Variants in EYS observed in about 807,000 individuals in gnomAD.
EYS encodes the protein EGF-like photoreceptor maintenance factor.
EYS carries 250 observed loss-of-function variants against 282.1 expected under a neutral mutation model. The observed-to-expected ratio is 0.89, with a 90% CI of 0.80 to 0.98. EYS has a LOEUF of 0.98. Among genes scored for constraint, EYS ranks in the 50% least tolerant of loss-of-function variants. The pLI is 0.00. For synonymous variants in EYS, 1,355 were observed against 1,282.9 expected, an observed-to-expected ratio of 1.06 and a Z score of -1.20; for missense variants, 4,016 against 3,709.0, an observed-to-expected ratio of 1.08 and a Z score of -2.15.
At chr6:65,489,034 A>T (rs187375876) in intron 5 of EYS, among the ~76,000 whole-genome samples, 3 of 152,312 alleles carry the variant, frequency 2.0e-5, no homozygotes, top group African/African-American at 7.2e-5. Flanking sequence ...CTAGAGGAAA[A>T]CCTGGGGAAT....
chr6:65,375,019 C>T (rs1035310571), intron 8 of EYS, among the ~76,000 whole-genome samples: 25 of 152,140 alleles, frequency 1.6e-4, no homozygotes, highest in South Asian at 2.1e-4. Context: ...CCCAGCACAG[C>T]GCTCCAGCTC....
intron 39 of EYS, 79 bp from the exon 40 acceptor site, chr6:63,778,259 T>C (rs1770117505): frequency 2.8e-6 from 4 of 1,404,284 alleles, no homozygotes; most frequent in Admixed American, 4.1e-5. Flanking sequence ...TTTTCATTTT[T>C]AAAGTAGAAG....
At chr6:64,649,747 C>G (rs1355090942) in intron 22 of EYS, among the ~76,000 whole-genome samples, 3 of 152,122 alleles carry the variant, frequency 2.0e-5, no homozygotes, top group Non-Finnish European at 4.4e-5. Context: ...CATGACAAAT[C>G]AATGTCCAAG....
chr6:64,582,647 A>G (rs1766111493), intron 26 of EYS, among the ~76,000 whole-genome samples: 1 of 150,734 alleles, frequency 6.6e-6, no homozygotes, highest in Admixed American at 6.6e-5. Context: ...GGTATTCAGC[A>G]ATGAAAATGA....
At chr6:64,253,755 G>GT (rs201367424) in intron 30 of EYS, among the ~76,000 whole-genome samples, 1 of 151,848 alleles carries the variant, frequency 6.6e-6, no homozygotes, top group Admixed American at 6.6e-5. Context: ...AGTGCAGGGG[G>GT]GTTTATTCTC....
intron 5 of EYS, among the ~76,000 whole-genome samples, chr6:65,442,780 T>A (rs1168369640): frequency 9.9e-6 from 1 of 101,318 alleles, no homozygotes; most frequent in Non-Finnish European, 2.5e-5. Context: ...AAATAAAAAA[T>A]TAAAAAAAAA....
intron 7 of EYS, among the ~76,000 whole-genome samples, chr6:65,397,369 T>TC (rs2150360614): frequency 6.6e-6 from 1 of 152,068 alleles, no homozygotes; most frequent in Non-Finnish European, 1.5e-5. Context: ...TTACACCCTC[T>TC]CCCACCATCC....
At chr6:63,806,531 A>G (rs1051437176) in intron 36 of EYS, among the ~76,000 whole-genome samples, 159 bp from the exon 37 acceptor site, 1 of 152,238 alleles carries the variant, frequency 6.6e-6, no homozygotes, top group Non-Finnish European at 1.5e-5. Context: ...GTGACTCAAC[A>G]GGAAATTTCA....
intron 12 of EYS, among the ~76,000 whole-genome samples, chr6:65,183,997 A>G (rs949601994): frequency 6.8e-6 from 1 of 146,832 alleles, no homozygotes; most frequent in Non-Finnish European, 1.5e-5. Flanking sequence ...TCCATGGAAC[A>G]TAATTATATC....
At chr6:64,865,911 T>C (rs1251396516) in intron 19 of EYS, among the ~76,000 whole-genome samples, 2 of 152,066 alleles carry the variant, frequency 1.3e-5, no homozygotes, top group African/African-American at 4.8e-5. Flanking sequence ...GAATCACATA[T>C]GGTTCCAAGA....
intron 35 of EYS, among the ~76,000 whole-genome samples, chr6:63,961,517 C>G (rs904308498): frequency 6.6e-6 from 1 of 152,152 alleles, no homozygotes; most frequent in Non-Finnish European, 1.5e-5. Context: ...CCCTGTCTCC[C>G]TTGGCTGACT....
chr6:65,656,492 C>T (rs1051550265), intron 1 of EYS, among the ~76,000 whole-genome samples: 3 of 151,798 alleles, frequency 2.0e-5, no homozygotes, highest in Non-Finnish European at 4.4e-5. Context: ...AAGATAAAAC[C>T]AGCTAAAACA....
At chr6:64,084,767 A>G (rs758169673) in intron 31 of EYS, among the ~76,000 whole-genome samples, 52 of 152,150 alleles carry the variant, frequency 3.4e-4, no homozygotes, top group Non-Finnish European at 1.2e-4. Flanking sequence ...TTCTAAAGTA[A>G]ATGCTCCAAG....
At chr6:65,008,689 G>T (rs1422279138) in intron 13 of EYS, among the ~76,000 whole-genome samples, 1 of 152,166 alleles carries the variant, frequency 6.6e-6, no homozygotes, top group African/African-American at 2.4e-5. Flanking sequence ...AGGGACGAAG[G>T]TCCTCTGAGT....
rs1050175925 is a variant in EYS, at chr6:64,093,050, T to G, written c.6425-11048A>C. On this transcript the variant is annotated intron_variant, in intron 31 of 42. Coordinates refer to ENST00000503581, the MANE Select transcript of EYS (RefSeq NM_001142800.2). ...GCTTGTTTTTCTCAGATTTGTCAAA[T>G]ATCAGATAGTTGTAGATATGTGGCA... Among the ~76,000 whole-genome samples, 309 of 152,218 alleles carry G rather than the reference T, an allele frequency of 2.0e-3. 1 individual carries two copies. Among genetic ancestry groups the G allele is most frequent in the Non-Finnish European group, 3.3e-3 (227 of 68,006 alleles).
chr6:64,422,646 A>G (rs1392233533), intron 28 of EYS, among the ~76,000 whole-genome samples: 1 of 152,188 alleles, frequency 6.6e-6, no homozygotes, highest in African/African-American at 2.4e-5. Flanking sequence ...CTCAGAAGTA[A>G]TCTTCACATG....
intron 36 of EYS, among the ~76,000 whole-genome samples, chr6:63,811,561 A>T (rs1459108403): frequency 1.3e-5 from 2 of 152,114 alleles, no homozygotes; most frequent in African/African-American, 4.8e-5. Flanking sequence ...GTATTTGATC[A>T]TGAGTACCGT....
At chr6:64,772,026 T>C (rs1047446327) in intron 22 of EYS, among the ~76,000 whole-genome samples, 13 of 151,828 alleles carry the variant, frequency 8.6e-5, no homozygotes, top group African/African-American at 2.9e-4. Context: ...ATAAGAAATA[T>C]CCTGTTTCAT....
At chr6:64,077,907 C>A (rs1163120424) in intron 32 of EYS, among the ~76,000 whole-genome samples, 1 of 152,026 alleles carries the variant, frequency 6.6e-6, no homozygotes, top group Non-Finnish European at 1.5e-5. Context: ...AAAAAGCTTT[C>A]TTTTCATCTT....
Sources: allele counts gnomAD v4.1 joint callset (sites outside exome capture counted in the v4.1 genomes callset), GRCh38; gene constraint gnomAD v4.1.1; transcripts MANE v1.5; gene names NCBI Gene and HGNC (gene_info 2026-07-23, HGNC 2026-07-21).